The following CEP85L variants were observed in gnomAD, a reference collection of about 807,000 sequenced individuals.
CEP85L encodes centrosomal protein of 85 kDa-like.
Under a neutral mutation model 100.3 loss-of-function variants are expected in CEP85L, and 60 were observed. The observed-to-expected ratio is 0.60, with a 90% CI of 0.49 to 0.74. The LOEUF (loss-of-function observed/expected upper bound fraction) is 0.74. CEP85L is among the 30% of genes least tolerant of loss of function. CEP85L has a pLI of 0.00. For synonymous variants in CEP85L, 319 were observed against 322.7 expected (o/e 0.99, Z 0.12); for missense variants, 973 against 936.2 (o/e 1.04, Z -0.51).
intron 3 of CEP85L, among the ~76,000 whole-genome samples, chr6:118,524,785 C>A (rs1160829782): frequency 1.3e-5 from 2 of 152,214 alleles, no homozygotes; most frequent in Non-Finnish European, 2.9e-5. Context: ...CACAAGTGTG[C>A]AGATGCTTCT....
At chr6:118,622,761 C>G (rs1025209648) in intron 2 of CEP85L, among the ~76,000 whole-genome samples, 2 of 152,198 alleles carry the variant, frequency 1.3e-5, no homozygotes, top group African/African-American at 4.8e-5. Context: ...AATTACTGCA[C>G]GCAGTGCAGA....
intron 1 of CEP85L, among the ~76,000 whole-genome samples, chr6:118,650,229 GT>G (rs1775458815): frequency 1.3e-5 from 2 of 152,224 alleles, no homozygotes; most frequent in East Asian, 3.9e-4. Flanking sequence ...ATATGGCATT[GT>G]TTTTTCTGCG....
chr6:118,503,061 A>C (rs922765760), intron 5 of CEP85L, among the ~76,000 whole-genome samples: 2 of 152,202 alleles, frequency 1.3e-5, no homozygotes, highest in African/African-American at 4.8e-5. Flanking sequence ...GAAAACAAAC[A>C]AAAAACACCT....
At chr6:118,520,912 G>A (rs1275875691) in intron 4 of CEP85L, among the ~76,000 whole-genome samples, 5 of 152,092 alleles carry the variant, frequency 3.3e-5, no homozygotes, top group Non-Finnish European at 5.9e-5. Context: ...TTTTTCTCAT[G>A]AGATGGGGAG....
chr6:118,506,607 TG>T (rs1242011622), intron 5 of CEP85L, among the ~76,000 whole-genome samples: 4 of 152,186 alleles, frequency 2.6e-5, no homozygotes, highest in Non-Finnish European at 5.9e-5. Context: ...CCTGGGGAGT[TG>T]GTGGGGGAAA....
chr6:118,566,551 G>A (rs12204855), intron 2 of CEP85L, among the ~76,000 whole-genome samples: 15,408 of 152,126 alleles, frequency 0.1, 942 homozygotes, highest in African/African-American at 0.16. Context: ...CCGAGTAGCA[G>A]GGATTCCAGG....
intron 1 of CEP85L, among the ~76,000 whole-genome samples, chr6:118,692,389 G>C (rs536183527): frequency 1.3e-5 from 2 of 152,232 alleles, no homozygotes; most frequent in African/African-American, 4.8e-5. Context: ...ATGGGACAAA[G>C]CACTGAAAGC....
At chr6:118,498,507 T>A (rs1197303705) in intron 5 of CEP85L, among the ~76,000 whole-genome samples, 2 of 149,202 alleles carry the variant, frequency 1.3e-5, no homozygotes, top group Admixed American at 6.7e-5. Flanking sequence ...AATGGACAAA[T>A]CTAGCAGCTT....
rs946827221 is a variant in CEP85L, at chr6:118,503,316, C to T, written c.1257+7982G>A. On this transcript the variant is annotated intron_variant, in intron 5 of 12. Transcript: ENST00000368491. ...AGAACTAAATAAATGAATAGATATT[C>T]CATGTTCATGGATAGGAAGACTCAA... Among the ~76,000 whole-genome samples the T allele has an allele frequency of 2.0e-5, 3 of 152,174 alleles. No individual in the cohort carries two copies. In the South Asian group the frequency reaches 6.2e-4, roughly 31 times the overall value.
chr6:118,664,119 C>T (rs559470060), intron 1 of CEP85L, among the ~76,000 whole-genome samples: 52 of 152,102 alleles, frequency 3.4e-4, no homozygotes, highest in African/African-American at 1.1e-3. Context: ...TGGTCTCAAA[C>T]GCCTGAGCTC....
chr6:118,562,181 TCAAA>T (rs766966015), intron 3 of CEP85L, among the ~76,000 whole-genome samples: 3 of 151,946 alleles, frequency 2.0e-5, no homozygotes, highest in East Asian at 3.9e-4. Flanking sequence ...ATAAATTATC[TCAAA>T]CAGTTAAAAA....
intron 2 of CEP85L, among the ~76,000 whole-genome samples, chr6:118,602,881 C>T (rs1583148261): frequency 1.3e-5 from 2 of 151,652 alleles, no homozygotes; most frequent in East Asian, 1.9e-4. Context: ...AGTGCAATGG[C>T]ACAATCTCAG....
rs117631427 is a variant in CEP85L, at chr6:118,515,649, G to A, written c.1140-4234C>T. ...GTAACATAATTGTAAATAACTTTAG[G>A]GTCAAAGAAGAAATCAGAAGATAAA... is the stretch of plus-strand genomic sequence containing the variant. On this transcript the variant is annotated intron_variant, in intron 4 of 12. Coordinates refer to ENST00000368491, the MANE Select transcript of CEP85L (RefSeq NM_001042475.3). Among the ~76,000 whole-genome samples the A allele has an allele frequency of 1.1e-4, 16 of 151,906 alleles. No individual in the cohort carries two copies. The East Asian group carries it at 3.1e-3, about 29-fold the overall frequency.
In CEP85L at chr6:118,503,381, A is replaced by G. The variant is rs1582927319; in HGVS notation, c.1257+7917T>C. Among the ~76,000 whole-genome samples, 7 of 152,336 alleles carry G rather than the reference A, an allele frequency of 4.6e-5. No homozygotes were observed. In the South Asian group the frequency reaches 1.4e-3, roughly 32 times the overall value. On this transcript the variant is annotated intron_variant, in intron 5 of 12. Coordinates refer to ENST00000368491, the MANE Select transcript of CEP85L (RefSeq NM_001042475.3). ...TGGTTCTTTCCAATTTGATCTATAG[A>G]TTCAACACAATCCCAACCAAAATCC...
Position 118,681,443 on chromosome 6 carries a change from A to G in CEP85L, c.-28+28593T>C, listed in dbSNP as rs1776655586. Among the ~76,000 whole-genome samples the G allele has an allele frequency of 1.3e-5, 2 of 152,086 alleles. 1 individual carries two copies. Among genetic ancestry groups the G allele is most frequent in the South Asian group, 4.1e-4 (2 of 4,830 alleles). ...ATCTGGAATGAAAAAAACCTCAATA[A>G]CCTCATATTCAGACGATTTTTTCAA... On this transcript the variant is annotated intron_variant, in intron 1 of 13. Coordinates refer to the CEP85L transcript ENST00000368488.
chr6:118,543,679 G>C (rs1196754711), intron 3 of CEP85L, among the ~76,000 whole-genome samples: 1 of 152,146 alleles, frequency 6.6e-6, no homozygotes, highest in Admixed American at 6.6e-5. Flanking sequence ...AATTCGGATA[G>C]AAGAAATAAC....
intron 3 of CEP85L, among the ~76,000 whole-genome samples, chr6:118,524,369 G>A (rs550494359): frequency 7.2e-5 from 11 of 152,244 alleles, no homozygotes; most frequent in Non-Finnish European, 1.0e-4. Flanking sequence ...GCGTGAACCC[G>A]GGAGGCGGAG....
At chr6:118,591,674 C>T (rs1781197811) in intron 2 of CEP85L, among the ~76,000 whole-genome samples, 1 of 151,920 alleles carries the variant, frequency 6.6e-6, no homozygotes, top group Non-Finnish European at 1.5e-5. Flanking sequence ...AATTCTGTAA[C>T]CAGATTCTTG....
intron 12 of CEP85L, among the ~76,000 whole-genome samples, chr6:118,466,074 A>C (rs1357079586): frequency 2.6e-5 from 4 of 152,138 alleles, no homozygotes; most frequent in Non-Finnish European, 5.9e-5. Flanking sequence ...AGGGAGAGGA[A>C]GAGGGAGAGG....
Sources: allele counts gnomAD v4.1 joint callset (sites outside exome capture counted in the v4.1 genomes callset), GRCh38; gene constraint gnomAD v4.1.1; transcripts MANE v1.5; gene names NCBI Gene and HGNC (gene_info 2026-07-23, HGNC 2026-07-21).